The following CRISPLD2 variants were observed in gnomAD, a reference collection of about 807,000 sequenced individuals.
The protein encoded by CRISPLD2 is cysteine-rich secretory protein LCCL domain-containing 2.
In CRISPLD2, 47 loss-of-function variants were observed where a neutral mutation model predicts 71.1. The observed-to-expected ratio is 0.66, with a 90% CI of 0.52 to 0.84. The LOEUF (loss-of-function observed/expected upper bound fraction) is 0.84, where lower values mean the gene tolerates loss of function less well. Among genes scored for constraint, CRISPLD2 ranks in the 40% least tolerant of loss-of-function variants. CRISPLD2 has a pLI of 0.00. For synonymous variants in CRISPLD2, 317 were observed against 250.1 expected (o/e 1.27, Z -2.52); for missense variants, 830 against 651.1 (o/e 1.27, Z -2.99).
intron 11 of CRISPLD2, among the ~76,000 whole-genome samples, chr16:84,875,836 G>A (rs975121985): frequency 2.0e-5 from 3 of 151,280 alleles, no homozygotes; most frequent in Non-Finnish European, 2.9e-5. Context: ...CAAGTGCTAG[G>A]ATTACATGCG....
rs143989479 is a variant in CRISPLD2, at chr16:84,820,211, A to C, written c.-75+78A>C. 7.7e-3 allele frequency: 1,161 copies of C among 151,156 alleles called. 13 individuals are homozygous for C. Among genetic ancestry groups the C allele is most frequent in the African/African-American group, 0.026 (1,091 of 41,272 alleles). The allele number at this position is 151,156 out of a possible 1,614,324, so 9.4% of individuals were successfully genotyped here. A position where few individuals can be genotyped will look rare whatever the true frequency, so the allele number is the denominator to read the frequency against. On this transcript the variant is annotated intron_variant, in intron 1 of 14. Transcript: ENST00000262424. ...AGCTGGAATAACTAGGACAGATGCC[A>C]CCTCGCAGGGCTGACTGTGTGCTGG...
chr16:84,886,684 G>A lies in CRISPLD2; in HGVS notation c.1306-2546G>A, dbSNP rs78541274. 6.7e-3 allele frequency among the ~76,000 whole-genome samples: 1,022 copies of A among 152,228 alleles called. 6 individuals carry two copies. Among genetic ancestry groups the A allele is most frequent in the African/African-American group, 0.023 (972 of 41,554 alleles). On this transcript the variant is annotated intron_variant, in intron 13 of 14. Transcript: ENST00000262424. Reference sequence around the variant, plus strand: ...AAGAAAATGGAAAAATTAGTCAGGCGTGGTGGCGCATGCCTGCGATCCCAG... The same window carrying A: ...AAGAAAATGGAAAAATTAGTCAGGCATGGTGGCGCATGCCTGCGATCCCAG...
At position 84,838,502 on chromosome 16, in the gene CRISPLD2, T is replaced by C. The variant is rs767752138; in HGVS notation, c.7T>C (p.Cys3Arg). The C allele has an allele frequency of 5.0e-6, 8 of 1,613,526 alleles. No individual in the cohort carries two copies. Among genetic ancestry groups the C allele is most frequent in the Non-Finnish European group, 6.8e-6 (8 of 1,179,502 alleles). Residue 3 changes from cysteine (C) to arginine (R), a missense_variant, in exon 2 of 15, where the codon TGC (cysteine) becomes CGC (arginine). Transcript: ENST00000262424. ...TTGCTGCAGGAGTGGAGCCATGAGC[T>C]GCGTCCTGGGTGGTGTCATCCCCTT... is the stretch of plus-strand genomic sequence containing the variant. MS[C>R]VLGGVIPLGL...
intron 1 of CRISPLD2, among the ~76,000 whole-genome samples, chr16:84,832,597 C>T (rs1289499568): frequency 6.6e-6 from 1 of 152,240 alleles, no homozygotes; most frequent in Non-Finnish European, 1.5e-5. Context: ...GGAAGCCGTG[C>T]TCCTCGGGCT....
chr16:84,862,638 GT>G (rs1381182451), intron 6 of CRISPLD2, among the ~76,000 whole-genome samples: 1 of 147,946 alleles, frequency 6.8e-6, no homozygotes, highest in African/African-American at 2.5e-5. Flanking sequence ...GGCATGGCTG[GT>G]CCATGGTGCT....
intron 13 of CRISPLD2, among the ~76,000 whole-genome samples, chr16:84,884,578 A>T (rs1412589129): frequency 6.6e-6 from 1 of 151,960 alleles, no homozygotes; most frequent in East Asian, 1.9e-4. Flanking sequence ...CCCTGAGGAG[A>T]GGAATTGGAT....
chr16:84,902,595 G>A (rs2071765144), intron 14 of CRISPLD2, among the ~76,000 whole-genome samples: 1 of 150,910 alleles, frequency 6.6e-6, no homozygotes, highest in Admixed American at 6.6e-5. Context: ...GGGTGACAGA[G>A]CGAGACTCCA....
chr16:84,903,285 C>G (rs1287327609), intron 14 of CRISPLD2, among the ~76,000 whole-genome samples: 1 of 151,920 alleles, frequency 6.6e-6, no homozygotes, highest in Non-Finnish European at 1.5e-5. Context: ...TCGGCACTGT[C>G]ACAGAACATT....
At chr16:84,890,765 A>T (rs1222639533) in intron 14 of CRISPLD2, among the ~76,000 whole-genome samples, 1 of 152,172 alleles carries the variant, frequency 6.6e-6, no homozygotes, top group African/African-American at 2.4e-5. Context: ...ACTGCACTCC[A>T]GCCTGGGCAA....
chr16:84,874,220 G>C (rs566313964), intron 11 of CRISPLD2, among the ~76,000 whole-genome samples: 3 of 152,300 alleles, frequency 2.0e-5, no homozygotes, highest in Admixed American at 6.5e-5. Context: ...ACATACTGAT[G>C]CCTGGGGCTA....
intron 12 of CRISPLD2, 49 bp downstream of exon 12, chr16:84,877,559 AG>A (rs768242865): frequency 6.3e-7 from 1 of 1,584,498 alleles, no homozygotes; most frequent in Middle Eastern, 1.7e-4. Flanking sequence ...TGTTAGAAGT[AG>A]CTTTTTAGGC....
chr16:84,864,426 G>A (rs1159836896), intron 6 of CRISPLD2, among the ~76,000 whole-genome samples: 1 of 152,186 alleles, frequency 6.6e-6, no homozygotes, highest in Admixed American at 6.5e-5. Context: ...ACATCCTAAA[G>A]GCCAGTGGAA....
At chr16:84,877,982 A>T (rs2071535064) in intron 12 of CRISPLD2, among the ~76,000 whole-genome samples, 2 of 150,920 alleles carry the variant, frequency 1.3e-5, no homozygotes, top group Admixed American at 6.6e-5. Context: ...AGGCCGAGGC[A>T]GGCGGATCAC....
At chr16:84,894,164 GAGACTAGCACCTGCTCTCTCAC>G (rs1182576961) in intron 14 of CRISPLD2, among the ~76,000 whole-genome samples, 4 of 152,146 alleles carry the variant, frequency 2.6e-5, no homozygotes, top group Admixed American at 2.0e-4. Flanking sequence ...GGCAACATAA[GAGACTAGCACCTGCTCTCTCAC>G]CCCTGCCCAC....
chr16:84,824,947 T>C (rs13339223), intron 1 of CRISPLD2, among the ~76,000 whole-genome samples: 8,583 of 151,654 alleles, frequency 0.057, 381 homozygotes, highest in African/African-American at 0.12. Context: ...CTACTAAAAA[T>C]ACAAAAATTA....
chr16:84,825,780 T>A (rs556422525), intron 1 of CRISPLD2, among the ~76,000 whole-genome samples: 12 of 150,960 alleles, frequency 7.9e-5, no homozygotes, highest in South Asian at 6.3e-4. Flanking sequence ...TAAATAAAAA[T>A]AAATACATAA....
chr16:84,906,148 G>T (rs1042896920), intron 14 of CRISPLD2, among the ~76,000 whole-genome samples: 2 of 152,022 alleles, frequency 1.3e-5, no homozygotes, highest in Non-Finnish European at 2.9e-5. Flanking sequence ...GTGAACGAGC[G>T]ATAACAGCTC....
chr16:84,880,427 G>T, intron 12 of CRISPLD2, 82 bp from the exon 13 acceptor site: 1 of 1,093,460 alleles, frequency 9.1e-7, no homozygotes, highest in East Asian at 2.4e-5. Flanking sequence ...CTTAAATCTT[G>T]GAATTCAAAT....
At chr16:84,853,394 G>A (rs1267188888) in intron 5 of CRISPLD2, among the ~76,000 whole-genome samples, 1 of 152,220 alleles carries the variant, frequency 6.6e-6, no homozygotes, top group East Asian at 1.9e-4. Context: ...GGGATGTCTT[G>A]TGGCATGGCA....
Sources: allele counts gnomAD v4.1 joint callset (sites outside exome capture counted in the v4.1 genomes callset), GRCh38; gene constraint gnomAD v4.1.1; transcripts MANE v1.5; gene names NCBI Gene and HGNC (gene_info 2026-07-23, HGNC 2026-07-21).